NAV3: variants seen among roughly 807,000 people sequenced by gnomAD.
The protein encoded by NAV3 is neuron navigator 3, also known as pore membrane and/or filament interacting like protein 1.
NAV3 carries 87 observed loss-of-function variants against 244.7 expected under a neutral mutation model. The observed-to-expected ratio is 0.36, with a 90% CI of 0.30 to 0.42. NAV3 has a LOEUF of 0.42. NAV3 is among the 20% of genes least tolerant of loss of function. The probability of loss-of-function intolerance (pLI) is 1.00; values close to 1 mark genes in which losing one functional copy is unlikely to be tolerated. For missense variants in NAV3, 2,663 were observed against 2,893.3 expected, an observed-to-expected ratio of 0.92 and a Z score of 1.83; for synonymous variants, 1,126 against 1,042.2, an observed-to-expected ratio of 1.08 and a Z score of -1.55.
chr12:77,695,313 A>T (rs544555850), intron 2 of NAV3, among the ~76,000 whole-genome samples: 99 of 152,114 alleles, frequency 6.5e-4, no homozygotes, highest in African/African-American at 2.2e-3. Context: ...ATCAATTTTG[A>T]TTTGATTTTT....
At chr12:77,687,187 G>A (rs1565772191) in intron 2 of NAV3, among the ~76,000 whole-genome samples, 1 of 152,100 alleles carries the variant, frequency 6.6e-6, no homozygotes, top group African/African-American at 2.4e-5. Flanking sequence ...GGAAAACTGT[G>A]AGTGGCTGTT....
chr12:77,757,613 GT>G (rs1488354368), intron 2 of NAV3, among the ~76,000 whole-genome samples: 4 of 152,112 alleles, frequency 2.6e-5, no homozygotes, highest in African/African-American at 7.2e-5. Context: ...TTTTTATAAT[GT>G]TTTCCCTGAA....
Position 77,789,324 on chromosome 12 carries a change from C to T in NAV3, c.73-150995C>T, listed in dbSNP as rs1871062407. 3.9e-5 allele frequency among the ~76,000 whole-genome samples: 6 copies of T among 152,068 alleles called. No individual in the cohort carries two copies. The South Asian group carries it at 1.0e-3, about 26-fold the overall frequency. The stretch of plus-strand genomic sequence containing the variant: ...AATCTTTAGCCCTTCCTTCCCTTAC[C>T]AATGACACTCCAGCTACTACTGAAC... On this transcript the variant is annotated intron_variant, in intron 2 of 8. Transcript: ENST00000550042.
intron 2 of NAV3, among the ~76,000 whole-genome samples, chr12:77,639,156 T>C (rs1017595779): frequency 1.3e-5 from 2 of 152,304 alleles, no homozygotes; most frequent in African/African-American, 4.8e-5. Flanking sequence ...TGGATTTGGA[T>C]TCCCAATAAA....
At chr12:78,161,380 AGAATT>A (rs1416743102) in intron 23 of NAV3, among the ~76,000 whole-genome samples, 1 of 152,130 alleles carries the variant, frequency 6.6e-6, no homozygotes, top group Non-Finnish European at 1.5e-5. Flanking sequence ...AATGAGTGTT[AGAATT>A]TAAGTCTCAA....
intron 1 of NAV3, among the ~76,000 whole-genome samples, chr12:77,902,715 A>G (rs1212504915): frequency 6.6e-6 from 1 of 152,212 alleles, no homozygotes; most frequent in Non-Finnish European, 1.5e-5. Context: ...CCCTGTTTGC[A>G]GATGACATGA....
intron 2 of NAV3, among the ~76,000 whole-genome samples, chr12:77,633,879 A>G (rs866430281): frequency 7.9e-5 from 12 of 152,160 alleles, no homozygotes; most frequent in Admixed American, 3.3e-4. Flanking sequence ...ATTTTGGACA[A>G]TGTAACATTT....
intron 1 of NAV3, among the ~76,000 whole-genome samples, chr12:77,902,814 T>A (rs527287424): frequency 2.3e-3 from 352 of 152,320 alleles, no homozygotes; most frequent in African/African-American, 7.7e-3. Context: ...ACAAAATCAA[T>A]GTGCAAAAAT....
At chr12:78,139,516 T>C (rs1195539699) in intron 19 of NAV3, among the ~76,000 whole-genome samples, 1 of 152,190 alleles carries the variant, frequency 6.6e-6, no homozygotes, top group Non-Finnish European at 1.5e-5. Flanking sequence ...TAATGCACAA[T>C]GAGCAGAAAT....
At chr12:77,616,680 T>A (rs1448280850) in intron 2 of NAV3, among the ~76,000 whole-genome samples, 2 of 151,748 alleles carry the variant, frequency 1.3e-5, no homozygotes, top group African/African-American at 4.8e-5. Context: ...AGCTTGCTAT[T>A]TGTACTACAT....
intron 12 of NAV3, among the ~76,000 whole-genome samples, chr12:78,082,208 A>C (rs146155444): frequency 6.6e-6 from 1 of 152,296 alleles, no homozygotes; most frequent in African/African-American, 2.4e-5. Flanking sequence ...AGCCATGTGG[A>C]ACTGTGAGTC....
chr12:77,900,567 C>T (rs1023065673), intron 1 of NAV3, among the ~76,000 whole-genome samples: 31 of 149,354 alleles, frequency 2.1e-4, no homozygotes, highest in African/African-American at 6.1e-4. Context: ...CACATGCACA[C>T]GCGTATGTGT....
At chr12:78,017,725 T>C (rs1462052265) in intron 8 of NAV3, among the ~76,000 whole-genome samples, 1 of 152,176 alleles carries the variant, frequency 6.6e-6, no homozygotes, top group Non-Finnish European at 1.5e-5. Context: ...CTCTTGATTC[T>C]AAAGTCTTTA....
chr12:78,177,903 AC>A (rs1406439361), intron 28 of NAV3, among the ~76,000 whole-genome samples: 1 of 138,930 alleles, frequency 7.2e-6, no homozygotes, highest in African/African-American at 2.5e-5. Flanking sequence ...ATGATAGCCC[AC>A]TTTTTGGTAG....
At chr12:77,987,691 A>G (rs917382629) in intron 5 of NAV3, among the ~76,000 whole-genome samples, 4 of 152,168 alleles carry the variant, frequency 2.6e-5, no homozygotes, top group African/African-American at 9.7e-5. Context: ...TGCCCTGGAG[A>G]ACAACGCAGT....
chr12:77,659,998 T>C (rs1033538005), intron 2 of NAV3, among the ~76,000 whole-genome samples: 34 of 151,582 alleles, frequency 2.2e-4, no homozygotes, highest in African/African-American at 7.3e-4. Flanking sequence ...CTGGGAGATA[T>C]ACCTAATGCT....
intron 2 of NAV3, among the ~76,000 whole-genome samples, chr12:77,698,108 A>T (rs1254651465): frequency 1.3e-5 from 2 of 152,136 alleles, no homozygotes; most frequent in Non-Finnish European, 2.9e-5. Flanking sequence ...TCTAAAGGCG[A>T]TAGAGAAGTG....
At position 78,077,869 on chromosome 12, in the gene NAV3, C is replaced by T. The variant is rs11108180; in HGVS notation, c.2636+18754C>T. On this transcript the variant is annotated intron_variant, in intron 12 of 39. Transcript: ENST00000397909. ...AGGAGAATCGCTTGAACCTGGGAGGCGGAGGTTGCAGTGAGCCAAGATCAC... is the reference window on the plus strand; with the variant it reads ...AGGAGAATCGCTTGAACCTGGGAGGTGGAGGTTGCAGTGAGCCAAGATCAC... Among the ~76,000 whole-genome samples the T allele has an allele frequency of 1.0e-2, 1,518 of 152,238 alleles. 23 individuals carry two copies. Among genetic ancestry groups the T allele is most frequent in the African/African-American group, 0.035 (1,438 of 41,556 alleles).
At chr12:77,741,536 C>T (rs1319802852) in intron 2 of NAV3, among the ~76,000 whole-genome samples, 1 of 152,138 alleles carries the variant, frequency 6.6e-6, no homozygotes, top group Non-Finnish European at 1.5e-5. Flanking sequence ...TGCCAGTATT[C>T]TATGCCCCTA....
Sources: gnomAD v4.1 joint callset for allele counts (sites outside exome capture counted in the v4.1 genomes callset) on GRCh38, gnomAD v4.1.1 for gene constraint, MANE v1.5 for transcripts, NCBI Gene and HGNC (gene_info 2026-07-23, HGNC 2026-07-21) for gene names.